The following ERBB4 variants were observed in gnomAD, a reference collection of about 807,000 sequenced individuals.
ERBB4 encodes the protein receptor tyrosine-protein kinase erbB-4.
In ERBB4, 42 loss-of-function variants were observed where a neutral mutation model predicts 158.0. That is an observed-to-expected ratio of 0.27 (90% CI 0.21 to 0.34). ERBB4 has a LOEUF of 0.34. Among genes scored for constraint, ERBB4 ranks in the 10% least tolerant of loss-of-function variants. The probability of loss-of-function intolerance (pLI) is 1.00; values close to 1 mark genes in which losing one functional copy is unlikely to be tolerated. For missense variants in ERBB4, 1,333 were observed against 1,624.1 expected, an observed-to-expected ratio of 0.82 and a Z score of 3.08; for synonymous variants, 583 against 558.7, an observed-to-expected ratio of 1.04 and a Z score of -0.61.
intron 25 of ERBB4, among the ~76,000 whole-genome samples, chr2:211,397,934 T>G (rs1437265760): frequency 6.6e-6 from 1 of 152,162 alleles, no homozygotes; most frequent in Non-Finnish European, 1.5e-5. Context: ...ATTGGTCAAA[T>G]TGGTGTTAGT....
intron 16 of ERBB4, among the ~76,000 whole-genome samples, chr2:211,655,667 C>CA (rs2071184897): frequency 6.6e-6 from 1 of 152,168 alleles, no homozygotes; most frequent in Admixed American, 6.5e-5. Flanking sequence ...GCTGATAATG[C>CA]AGTTGCTCTG....
At position 211,703,947 on chromosome 2, in the gene ERBB4, C is replaced by T. The variant is rs113361604; in HGVS notation, c.1289+157G>A. 2.4e-4 allele frequency among the ~76,000 whole-genome samples: 36 copies of T among 152,238 alleles called. No individual in the cohort carries two copies. The South Asian group carries it at 5.0e-3, about 21-fold the overall frequency. ...ATTCTGTAATACCTCACACCATCAT[C>T]GGAGGTATTTTTATTGAGCTTATCT... On this transcript the variant is annotated intron_variant, in intron 11 of 27. Transcript: ENST00000342788.
intron 6 of ERBB4, among the ~76,000 whole-genome samples, chr2:211,724,213 T>C (rs2074191367): frequency 6.6e-6 from 1 of 152,190 alleles, no homozygotes; most frequent in African/African-American, 2.4e-5. Flanking sequence ...ATTTCTGCAA[T>C]ACATATTTTT....
intron 16 of ERBB4, among the ~76,000 whole-genome samples, chr2:211,639,085 T>C (rs2070471901): frequency 6.6e-6 from 1 of 152,172 alleles, no homozygotes; most frequent in African/African-American, 2.4e-5. Flanking sequence ...AGAGGTCAGA[T>C]GAAGTTTTGG....
chr2:212,186,216 C>T (rs993980262), intron 1 of ERBB4, among the ~76,000 whole-genome samples: 2 of 152,128 alleles, frequency 1.3e-5, no homozygotes, highest in Admixed American at 6.6e-5. Context: ...TGGCAAACTT[C>T]GCCTAAATCA....
rs376024413 is a variant in ERBB4, at chr2:211,700,739, G to A, written c.1489+1228C>T. ...CACGCACACACTCACACGTATACAC[G>A]CACACACAAACTCAATCATTATTTA... On this transcript the variant is annotated intron_variant, in intron 12 of 27. Coordinates refer to ENST00000342788, the MANE Select transcript of ERBB4 (RefSeq NM_005235.3). 1.4e-4 allele frequency among the ~76,000 whole-genome samples: 21 copies of A among 151,828 alleles called. No homozygotes were observed. The South Asian group carries it at 1.7e-3, about 12-fold the overall frequency.
At chr2:211,384,597 T>A (rs192326365) in intron 27 of ERBB4, among the ~76,000 whole-genome samples, 5 of 152,152 alleles carry the variant, frequency 3.3e-5, no homozygotes, top group Middle Eastern at 3.4e-3. Flanking sequence ...GAGATGCTTC[T>A]GAAAAAGGTT....
rs1029761652 is a variant in ERBB4, at chr2:212,143,419, A to G, written c.83-18516T>C. On this transcript the variant is annotated intron_variant, in intron 1 of 27. Transcript: ENST00000342788. ...ATCCTAAATTACCTAAGAGATGGTT[A>G]TAAGAGCCAAAATTATTAGAATAAT... Among the ~76,000 whole-genome samples, 15 of 152,310 alleles carry G rather than the reference A, an allele frequency of 9.8e-5. 1 individual carries two copies. Among genetic ancestry groups the G allele is most frequent in the South Asian group, 4.1e-4 (2 of 4,828 alleles).
At chr2:211,784,001 G>C (rs536324183) in intron 4 of ERBB4, among the ~76,000 whole-genome samples, 2 of 152,162 alleles carry the variant, frequency 1.3e-5, no homozygotes, top group Admixed American at 1.3e-4. Context: ...TCTGGTCCTG[G>C]ACTTTTTCAT....
chr2:212,311,500 T>G (rs531420498), intron 1 of ERBB4, among the ~76,000 whole-genome samples: 8 of 150,892 alleles, frequency 5.3e-5, no homozygotes, highest in Non-Finnish European at 8.9e-5. Flanking sequence ...GCTATATATC[T>G]GAATATGTCA....
At chr2:211,900,367 T>G (rs945640842) in intron 3 of ERBB4, among the ~76,000 whole-genome samples, 2 of 107,254 alleles carry the variant, frequency 1.9e-5, no homozygotes, top group Non-Finnish European at 3.5e-5. Context: ...TACTATTTTA[T>G]GTTTAAACAC....
At chr2:212,233,692 C>T (rs1372060784) in intron 1 of ERBB4, among the ~76,000 whole-genome samples, 3 of 152,034 alleles carry the variant, frequency 2.0e-5, no homozygotes, top group Non-Finnish European at 4.4e-5. Flanking sequence ...CATTGAGATG[C>T]AGCCTCTTGT....
At chr2:212,376,424 C>A (rs1028499902) in intron 1 of ERBB4, among the ~76,000 whole-genome samples, 6 of 151,954 alleles carry the variant, frequency 3.9e-5, no homozygotes, top group African/African-American at 1.5e-4. Context: ...GCTTCTTGAC[C>A]TTCTACTTAT....
At chr2:212,117,849 A>C (rs1038748163) in intron 2 of ERBB4, among the ~76,000 whole-genome samples, 1 of 152,140 alleles carries the variant, frequency 6.6e-6, no homozygotes, top group Non-Finnish European at 1.5e-5. Context: ...CTGCCACACA[A>C]GTCATTCTAT....
chr2:211,991,839 C>T (rs894541570), intron 2 of ERBB4, among the ~76,000 whole-genome samples: 9 of 152,064 alleles, frequency 5.9e-5, no homozygotes, highest in East Asian at 1.9e-4. Flanking sequence ...CCTAAGTCTT[C>T]GGCTGAGTTG....
chr2:212,074,426 T>C (rs1210646908), intron 2 of ERBB4, among the ~76,000 whole-genome samples: 6 of 151,974 alleles, frequency 3.9e-5, no homozygotes, highest in African/African-American at 1.2e-4. Context: ...TTAAGGGTAA[T>C]TCTCAGGTTA....
At chr2:211,973,563 T>C (rs2371434) in intron 2 of ERBB4, among the ~76,000 whole-genome samples, 26,649 of 152,066 alleles carry the variant, frequency 0.18, 2,423 homozygotes, top group Middle Eastern at 0.23. Context: ...TGGCTATTAT[T>C]AAAAAGTCAA....
chr2:211,943,600 T>C (rs1249993598), intron 3 of ERBB4, among the ~76,000 whole-genome samples: 2 of 152,106 alleles, frequency 1.3e-5, no homozygotes, highest in Admixed American at 6.6e-5. Context: ...AGCATGCCAA[T>C]GTAAGTTCCT....
At chr2:211,728,621 G>A (rs2074344528) in intron 5 of ERBB4, among the ~76,000 whole-genome samples, 2 of 151,784 alleles carry the variant, frequency 1.3e-5, no homozygotes. Context: ...GCAGACATAT[G>A]TTAAATAAAT....
Sources: gnomAD v4.1 joint callset for allele counts (sites outside exome capture counted in the v4.1 genomes callset) on GRCh38, gnomAD v4.1.1 for gene constraint, MANE v1.5 for transcripts, NCBI Gene and HGNC (gene_info 2026-07-23, HGNC 2026-07-21) for gene names.